Variants in CMSS1 observed in about 807,000 individuals in gnomAD.
CMSS1 encodes the protein protein CMSS1.
CMSS1 carries 33 observed loss-of-function variants against 43.5 expected under a neutral mutation model. The ratio of observed to expected loss-of-function variants is 0.76; its 90% CI spans 0.57 to 1.01. The LOEUF is 1.01. Among genes scored for constraint, CMSS1 ranks in the 50% least tolerant of loss-of-function variants. The probability of loss-of-function intolerance (pLI) is 0.00; values close to 1 mark genes in which losing one functional copy is unlikely to be tolerated. For missense variants in CMSS1, 313 were observed against 326.4 expected (o/e 0.96, Z 0.32); for synonymous variants, 115 against 117.2 (o/e 0.98, Z 0.12).
intron 1 of CMSS1, among the ~76,000 whole-genome samples, chr3:99,861,994 A>G (rs1944283564): frequency 6.6e-6 from 1 of 152,206 alleles, no homozygotes; most frequent in South Asian, 2.1e-4. Flanking sequence ...AATCCATACA[A>G]AAAGTCCTTA....
intron 1 of CMSS1, among the ~76,000 whole-genome samples, chr3:100,055,875 AT>A (rs1200872380): frequency 6.6e-6 from 1 of 152,216 alleles, no homozygotes; most frequent in African/African-American, 2.4e-5. Flanking sequence ...GAAGTTTTTC[AT>A]AACTACCTTC....
At chr3:100,036,928 A>G (rs2107276948) in intron 1 of CMSS1, among the ~76,000 whole-genome samples, 1 of 152,318 alleles carries the variant, frequency 6.6e-6, no homozygotes, top group East Asian at 1.9e-4. Flanking sequence ...ATTTAATATT[A>G]AGGAAATATC....
chr3:100,148,766 T>G (rs2066876706), intron 2 of CMSS1, among the ~76,000 whole-genome samples: 1 of 152,118 alleles, frequency 6.6e-6, no homozygotes, highest in Non-Finnish European at 1.5e-5. Context: ...ATTATAATCT[T>G]TTTTATTTTG....
intron 4 of CMSS1, among the ~76,000 whole-genome samples, chr3:100,163,587 AGT>A (rs1469029230): frequency 1.3e-5 from 2 of 152,132 alleles, no homozygotes; most frequent in African/African-American, 4.8e-5. Context: ...CCCAGGCTGG[AGT>A]GCAGTGGCAC....
intron 1 of CMSS1, among the ~76,000 whole-genome samples, chr3:99,884,672 G>A (rs1705835118): frequency 6.6e-6 from 1 of 152,212 alleles, no homozygotes; most frequent in Non-Finnish European, 1.5e-5. Context: ...ATGAAAGGAA[G>A]TGCTTTGAAT....
chr3:99,881,416 C>T (rs1341947559), intron 1 of CMSS1, among the ~76,000 whole-genome samples: 5 of 152,126 alleles, frequency 3.3e-5, no homozygotes, highest in Non-Finnish European at 5.9e-5. Context: ...AAATTAGAGA[C>T]GGAAAAGACC....
chr3:100,091,284 C>CAAAAA, intron 1 of CMSS1, among the ~76,000 whole-genome samples: 1 of 59,106 alleles, frequency 1.7e-5, no homozygotes, highest in African/African-American at 6.2e-5. Context: ...GACTCCGTCT[C>CAAAAA]AAAAAAAAAA....
chr3:100,166,469 C>G, intron 5 of CMSS1, 75 bp downstream of exon 5: 1 of 1,025,706 alleles, frequency 9.7e-7, no homozygotes, highest in South Asian at 1.3e-5. Context: ...AGGTTTTGGT[C>G]TCGTTTTTGT....
rs540730105 is a variant in CMSS1, at chr3:100,170,581, A to G, written c.519-1258A>G. Among the ~76,000 whole-genome samples, 12 of 152,344 alleles carry G rather than the reference A, an allele frequency of 7.9e-5. No homozygotes were observed. The East Asian group carries it at 2.3e-3, about 29-fold the overall frequency. On this transcript the variant is annotated intron_variant, in intron 6 of 9. Transcript: ENST00000421999. The stretch of plus-strand genomic sequence containing the variant: ...AGAAAAAAAAAGAGTTCCCTGAGAA[A>G]TAGTTTTCCCCTCTGTGACATAGTG...
chr3:100,032,708 T>A (rs921303557), intron 1 of CMSS1, among the ~76,000 whole-genome samples: 1 of 152,158 alleles, frequency 6.6e-6, no homozygotes, highest in Non-Finnish European at 1.5e-5. Flanking sequence ...TATGAATAAT[T>A]TATGGGCAGT....
chr3:100,054,229 T>C (rs772454156), intron 1 of CMSS1, among the ~76,000 whole-genome samples: 9 of 152,168 alleles, frequency 5.9e-5, no homozygotes, highest in Non-Finnish European at 8.8e-5. Flanking sequence ...GACATCACAT[T>C]CCCCCTTCCC....
At chr3:99,893,692 T>A (rs546315402) in intron 1 of CMSS1, among the ~76,000 whole-genome samples, 124 of 152,326 alleles carry the variant, frequency 8.1e-4, no homozygotes, top group African/African-American at 2.8e-3. Flanking sequence ...AATCTTCAAT[T>A]GCTTTAATCT....
intron 1 of CMSS1, among the ~76,000 whole-genome samples, chr3:99,828,120 A>G (rs972511535): frequency 3.9e-5 from 6 of 152,174 alleles, no homozygotes; most frequent in Admixed American, 1.3e-4. Flanking sequence ...TTGTTAGTGC[A>G]TGTTGTTTTT....
intron 1 of CMSS1, among the ~76,000 whole-genome samples, chr3:100,144,249 G>A (rs1034194911): frequency 1.3e-5 from 2 of 152,152 alleles, no homozygotes; most frequent in Non-Finnish European, 2.9e-5. Context: ...ATCTCTCTAT[G>A]TAGCCTTTTT....
At chr3:99,923,414 C>G (rs1302211646) in intron 1 of CMSS1, among the ~76,000 whole-genome samples, 1 of 152,172 alleles carries the variant, frequency 6.6e-6, no homozygotes, top group East Asian at 1.9e-4. Flanking sequence ...GATCAAAATC[C>G]TACAACACAG....
chr3:100,031,583 A>G (rs1466945153), intron 1 of CMSS1, among the ~76,000 whole-genome samples: 2 of 152,072 alleles, frequency 1.3e-5, no homozygotes, highest in African/African-American at 4.8e-5. Flanking sequence ...ACACCCAAAC[A>G]AGACCTGAGA....
intron 1 of CMSS1, among the ~76,000 whole-genome samples, chr3:99,855,704 A>T (rs1276822262): frequency 6.6e-6 from 1 of 152,206 alleles, no homozygotes; most frequent in African/African-American, 2.4e-5. Context: ...TATTCTTTTT[A>T]AAAAGTGTGT....
chr3:99,818,038 G>C lies in CMSS1; in HGVS notation c.59G>C (p.Ser20Thr), dbSNP rs560450393. 5.0e-6 allele frequency: 8 copies of C among 1,613,598 alleles called. No homozygotes were observed. In the African/African-American group the frequency reaches 9.3e-5, roughly 19 times the overall value. Residue 20 changes from serine to threonine, a missense_variant, in exon 1 of 10, where the codon AGC becomes ACC. By Grantham distance (58) the Ser-to-Thr change is moderately conservative. Coordinates refer to ENST00000421999, the MANE Select transcript of CMSS1 (RefSeq NM_032359.4). The stretch of plus-strand genomic sequence containing the variant: ...AACCAGCCGACTGGAGCAGGCAGCA[G>C]CCCAGGTACCCACTCTGTGCCCGCG... ...WENQPTGAGS[S>T]PEASDGEGEG...
chr3:99,821,369 A>T (rs1942435254), intron 1 of CMSS1, among the ~76,000 whole-genome samples: 1 of 152,096 alleles, frequency 6.6e-6, no homozygotes, highest in Non-Finnish European at 1.5e-5. Flanking sequence ...TTTTGCAGGG[A>T]CTCTCCTGGT....
Sources: allele counts gnomAD v4.1 joint callset (sites outside exome capture counted in the v4.1 genomes callset), GRCh38; gene constraint gnomAD v4.1.1; transcripts MANE v1.5; gene names NCBI Gene and HGNC (gene_info 2026-07-23, HGNC 2026-07-21).